EMCN: variants seen among roughly 807,000 people sequenced by gnomAD.
The protein encoded by EMCN is MUC-14.
A neutral mutation model predicts 38.4 loss-of-function variants in EMCN; 37 were observed. That is an observed-to-expected ratio of 0.96 (90% CI 0.74 to 1.27). EMCN has a LOEUF of 1.27. Ranked by LOEUF, EMCN falls within the 50% of genes most tolerant of loss-of-function variation. The pLI, the probability that EMCN is intolerant of heterozygous loss-of-function variation, is 0.00. For missense variants in EMCN, 318 were observed against 302.8 expected (o/e 1.05, Z -0.37); for synonymous variants, 95 against 100.8 (o/e 0.94, Z 0.35).
At chr4:100,464,074 T>C (rs1728252367) in intron 4 of EMCN, among the ~76,000 whole-genome samples, 1 of 151,980 alleles carries the variant, frequency 6.6e-6, no homozygotes. Flanking sequence ...AGATATTTAA[T>C]TTCTCACCAA....
At chr4:100,467,416 C>T (rs960223001) in intron 3 of EMCN, among the ~76,000 whole-genome samples, 2 of 152,062 alleles carry the variant, frequency 1.3e-5, no homozygotes, top group African/African-American at 4.8e-5. Context: ...CGGTGGCTCA[C>T]GCCTGTAATC....
chr4:100,405,421 T>A (rs1389095776), intron 11 of EMCN, among the ~76,000 whole-genome samples: 1 of 152,124 alleles, frequency 6.6e-6, no homozygotes, highest in East Asian at 1.9e-4. Flanking sequence ...GATTTTAACA[T>A]GAAAAGATGT....
In EMCN at chr4:100,476,921, C is replaced by T. The variant is rs1158412019; in HGVS notation, c.188-1812G>A. On this transcript the variant is annotated intron_variant, in intron 2 of 11. Transcript: ENST00000296420. ...AAAGACTACAGAGAAAAATGGGGTA[C>T]CCAAACTCATTTTTTTCTGACTAAT... is the stretch of plus-strand genomic sequence containing the variant. Among the ~76,000 whole-genome samples, 3 of 152,028 alleles carry T rather than the reference C, an allele frequency of 2.0e-5. No homozygotes were observed. In the South Asian group the frequency reaches 6.2e-4, roughly 32 times the overall value.
intron 1 of EMCN, among the ~76,000 whole-genome samples, chr4:100,492,665 A>T (rs1729113913): frequency 6.6e-6 from 1 of 152,026 alleles, no homozygotes; most frequent in South Asian, 2.1e-4. Flanking sequence ...AACAATAGAT[A>T]AAAAACACAT....
intron 1 of EMCN, among the ~76,000 whole-genome samples, chr4:100,484,302 T>G (rs1728885299): frequency 6.6e-6 from 1 of 152,154 alleles, no homozygotes; most frequent in South Asian, 2.1e-4. Context: ...CAGCTTATAG[T>G]TGGAAACTAA....
intron 4 of EMCN, among the ~76,000 whole-genome samples, chr4:100,463,923 G>T (rs1728248515): frequency 6.6e-6 from 1 of 151,980 alleles, no homozygotes; most frequent in Admixed American, 6.6e-5. Flanking sequence ...CAAATCTAGG[G>T]TCATCTTATC....
Position 100,471,641 on chromosome 4 carries a change from C to T in EMCN, c.259+3397G>A, listed in dbSNP as rs1212201330. ...ACTAGACAAATACATCACAAGAAAA[C>T]TACAAACATATATTTCATGAATATA... On this transcript the variant is annotated intron_variant, in intron 3 of 11. Transcript: ENST00000296420. Among the ~76,000 whole-genome samples, 5 of 151,732 alleles carry T rather than the reference C, an allele frequency of 3.3e-5. No homozygotes were observed. In the East Asian group the frequency reaches 9.6e-4, roughly 29 times the overall value.
At chr4:100,495,547 G>C (rs1423092717) in intron 1 of EMCN, among the ~76,000 whole-genome samples, 2 of 152,026 alleles carry the variant, frequency 1.3e-5, no homozygotes, top group Non-Finnish European at 2.9e-5. Context: ...TGGTTTTGAA[G>C]ACAAATTCAT....
chr4:100,517,894 G>A lies in EMCN; in HGVS notation c.21C>T (p.Thr7=). ...AAATACTGGGCAGAAGAAAAAGAATGGTCACTTGAAGCAGTTCCATGGTGC... is the reference window on the plus strand; with the variant it reads ...AAATACTGGGCAGAAGAAAAAGAATAGTCACTTGAAGCAGTTCCATGGTGC... MELLQV[T]ILFLLPSICS... is the part of the protein sequence containing the mutation. The change falls in exon 1 of 12, where the codon ACC becomes ACT. Residue 7 remains threonine (T), a synonymous_variant. Coordinates refer to ENST00000296420, the MANE Select transcript of EMCN (RefSeq NM_016242.4). 6.2e-7 allele frequency: 1 copy of A among 1,612,776 alleles called. No homozygotes were observed. Among genetic ancestry groups the A allele is most frequent in the Non-Finnish European group, 8.5e-7 (1 of 1,179,016 alleles).
At chr4:100,472,278 A>G (rs1728498769) in intron 3 of EMCN, among the ~76,000 whole-genome samples, 1 of 151,950 alleles carries the variant, frequency 6.6e-6, no homozygotes, top group Non-Finnish European at 1.5e-5. Context: ...AGGATATAAT[A>G]CTAACATATA....
intron 11 of EMCN, among the ~76,000 whole-genome samples, chr4:100,405,731 TAG>T (rs1243849845): frequency 1.3e-5 from 2 of 152,128 alleles, no homozygotes; most frequent in Non-Finnish European, 2.9e-5. Context: ...AGTGTGATGT[TAG>T]CCACATAGAA....
intron 5 of EMCN, among the ~76,000 whole-genome samples, chr4:100,441,119 T>C (rs1727504111): frequency 6.6e-6 from 1 of 152,074 alleles, no homozygotes; most frequent in African/African-American, 2.4e-5. Context: ...TTAAAGTCCT[T>C]CAATATTATA....
intron 5 of EMCN, among the ~76,000 whole-genome samples, chr4:100,442,791 G>A (rs926002965): frequency 2.0e-5 from 3 of 150,906 alleles, no homozygotes; most frequent in African/African-American, 7.3e-5. Context: ...TTATTAAATT[G>A]TCTATTTGTA....
At position 100,451,648 on chromosome 4, in the gene EMCN, T is replaced by G. The variant is rs187257613; in HGVS notation, c.377-4077A>C. Among the ~76,000 whole-genome samples the G allele has an allele frequency of 1.8e-4, 28 of 151,998 alleles. 1 individual carries two copies. In the East Asian group the frequency reaches 4.1e-3, roughly 22 times the overall value. On this transcript the variant is annotated intron_variant, in intron 4 of 11. Transcript: ENST00000296420. The stretch of plus-strand genomic sequence containing the variant: ...AAAATAGTTTTCATGAGAACAAGTG[T>G]GGTATAGTGAAAGGTGTATAGGGTT...
chr4:100,499,833 A>G (rs952754530), intron 1 of EMCN, among the ~76,000 whole-genome samples: 1 of 152,238 alleles, frequency 6.6e-6, no homozygotes, highest in Non-Finnish European at 1.5e-5. Flanking sequence ...TGAGGCAGTC[A>G]CATCTTACAG....
chr4:100,405,102 A>C (rs1171077919), intron 11 of EMCN, among the ~76,000 whole-genome samples: 1 of 152,106 alleles, frequency 6.6e-6, no homozygotes, highest in Admixed American at 6.6e-5. Context: ...TATCAGAGCT[A>C]GGAGCCTTTG....
At chr4:100,452,923 A>G (rs373277419) in intron 4 of EMCN, among the ~76,000 whole-genome samples, 1 of 151,978 alleles carries the variant, frequency 6.6e-6, no homozygotes, top group South Asian at 2.1e-4. Flanking sequence ...AACAAGCAAT[A>G]GGGAAAGGAT....
intron 4 of EMCN, among the ~76,000 whole-genome samples, chr4:100,465,011 T>C (rs1728276536): frequency 6.6e-6 from 1 of 152,186 alleles, no homozygotes; most frequent in South Asian, 2.1e-4. Flanking sequence ...TGGGGTTTTC[T>C]TCATAGGAAT....
At chr4:100,420,739 C>T (rs1726865249) in intron 8 of EMCN, among the ~76,000 whole-genome samples, 1 of 152,038 alleles carries the variant, frequency 6.6e-6, no homozygotes, top group Non-Finnish European at 1.5e-5. Context: ...TGGTGACTCA[C>T]TGTACTATCT....
Sources: allele counts gnomAD v4.1 joint callset (sites outside exome capture counted in the v4.1 genomes callset), GRCh38; gene constraint gnomAD v4.1.1; transcripts MANE v1.5; gene names NCBI Gene and HGNC (gene_info 2026-07-23, HGNC 2026-07-21).